Variants in HIVEP2 observed in about 807,000 individuals in gnomAD.
The protein encoded by HIVEP2 is transcription factor HIVEP2.
Under a neutral mutation model 180.7 loss-of-function variants are expected in HIVEP2, and 14 were observed. The ratio of observed to expected loss-of-function variants is 0.08; its 90% confidence interval spans 0.05 to 0.12. The LOEUF (loss-of-function observed/expected upper bound fraction) is 0.12, where lower values mean the gene tolerates loss of function less well. HIVEP2 is among the 10% of genes least tolerant of loss of function. The pLI is 1.00. For missense variants in HIVEP2, 2,579 were observed against 3,008.5 expected, an observed-to-expected ratio of 0.86 and a Z score of 3.34; for synonymous variants, 1,184 against 1,136.4, an observed-to-expected ratio of 1.04 and a Z score of -0.84.
In HIVEP2 at chr6:142,773,772, T is replaced by C. The variant is rs1473641774; in HGVS notation, c.967A>G (p.Met323Val). 30 of 1,613,940 alleles carry C rather than the reference T, an allele frequency of 1.9e-5. No individual in the cohort carries two copies. Among genetic ancestry groups the C allele is most frequent in the Non-Finnish European group, 2.2e-5 (26 of 1,180,044 alleles). ...GGGATAATCAAAATCGGCACCTTCA[T>C]TGGACCTCCCAATGATTCTTCCAAT... is the stretch of plus-strand genomic sequence containing the variant. ...GSLEESLGGP[M>V]KVPILIIPKS... Residue 323 changes from methionine (M) to valine (V), a missense_variant, in exon 5 of 10, where the codon ATG becomes GTG. Physicochemically the swap from Met to Val is conservative, Grantham distance 21. Coordinates refer to ENST00000367603, the MANE Select transcript of HIVEP2 (RefSeq NM_006734.4).
At chr6:142,904,312 C>T (rs202234299) in intron 1 of HIVEP2, among the ~76,000 whole-genome samples, 62 of 152,210 alleles carry the variant, frequency 4.1e-4, no homozygotes, top group South Asian at 3.3e-3. Flanking sequence ...AAATCATTTC[C>T]GGAAAAATTA....
Position 142,759,829 on chromosome 6 carries a change from G to T in HIVEP2, c.6459C>A (p.Asn2153Lys), listed in dbSNP as rs1775176606. 1 of 1,613,494 alleles carries T rather than the reference G, an allele frequency of 6.2e-7. No individual in the cohort carries two copies. Among genetic ancestry groups the T allele is most frequent in the African/African-American group, 1.3e-5 (1 of 74,890 alleles). Residue 2153 changes from asparagine (N) to lysine (K), a missense_variant, in exon 9 of 10, where the codon AAC becomes AAA. Asn to Lys is a moderately conservative substitution (Grantham distance 94). This residue lies in a region of HIVEP2 where 660 missense variants were observed against 731.7 expected (regional missense o/e 0.90). Transcript: ENST00000367603. ...APSPRRALYH[N>K]PPLSMGQYLQ... ...AATACTGTCCCATGGACAATGGTGG[G>T]TTATGGTATAAAGCCCTTCTGGGAG...
At chr6:142,845,838 T>C (rs1183944640) in intron 1 of HIVEP2, among the ~76,000 whole-genome samples, 1 of 151,920 alleles carries the variant, frequency 6.6e-6, no homozygotes, top group Non-Finnish European at 1.5e-5. Context: ...AGAGAGGCCC[T>C]CCCCCGGACA....
chr6:142,892,376 T>G (rs1313556690), intron 1 of HIVEP2, among the ~76,000 whole-genome samples: 1 of 152,144 alleles, frequency 6.6e-6, no homozygotes, highest in African/African-American at 2.4e-5. Flanking sequence ...TCTGCTGGCA[T>G]GGATAAAGCT....
At chr6:142,921,973 T>C (rs922416944) in intron 1 of HIVEP2, among the ~76,000 whole-genome samples, 1 of 152,208 alleles carries the variant, frequency 6.6e-6, no homozygotes, top group Non-Finnish European at 1.5e-5. Context: ...CCATAGCATA[T>C]GGTATTGATG....
rs1236791946 is a variant in HIVEP2 at position 142,769,865 on chromosome 6, A to C, written c.4874T>G (p.Leu1625Arg). 1 of 1,614,176 alleles carries C rather than the reference A, an allele frequency of 6.2e-7. No homozygotes were observed. Among genetic ancestry groups the C allele is most frequent in the Admixed American group, 1.7e-5 (1 of 60,034 alleles). The part of the protein sequence containing the change: ...PSGNVADSTL[L>R]LTDMADFQQI... ...CTGGAAATCTGCCATGTCCGTGAGA[A>C]GAAGAGTTGAGTCTGCCACGTTCCC... Residue 1625 changes from leucine to arginine, a missense_variant, in exon 5 of 10, where the codon CTT (leucine) becomes CGT (arginine). Physicochemically the swap from Leu to Arg is moderately radical, Grantham distance 102 (BLOSUM62 -2). Coordinates refer to ENST00000367603, the MANE Select transcript of HIVEP2 (RefSeq NM_006734.4).
intron 3 of HIVEP2, among the ~76,000 whole-genome samples, chr6:142,783,028 T>C (rs1262570225): frequency 6.6e-6 from 1 of 152,090 alleles, no homozygotes; most frequent in Admixed American, 6.5e-5. Flanking sequence ...CTATTTTAAT[T>C]ATAACAATGA....
chr6:142,924,590 C>A (rs578195076), intron 1 of HIVEP2, among the ~76,000 whole-genome samples: 2 of 152,314 alleles, frequency 1.3e-5, no homozygotes, highest in African/African-American at 4.8e-5. Context: ...CTCCTACTGA[C>A]CCTAAACAGA....
intron 9 of HIVEP2, 96 bp from the exon 10 acceptor site, chr6:142,754,027 T>C (rs1472137494): frequency 7.8e-6 from 5 of 642,672 alleles, no homozygotes; most frequent in African/African-American, 7.3e-5. Context: ...CATTCACACA[T>C]TCACTACCTA....
intron 1 of HIVEP2, among the ~76,000 whole-genome samples, chr6:142,898,148 C>A (rs1340893989): frequency 1.3e-5 from 2 of 152,178 alleles, no homozygotes; most frequent in African/African-American, 4.8e-5. Context: ...TTATTTGGAA[C>A]TGGCTTTGAG....
intron 2 of HIVEP2, among the ~76,000 whole-genome samples, chr6:142,803,092 T>A (rs775511648): frequency 6.6e-6 from 1 of 152,324 alleles, no homozygotes; most frequent in Non-Finnish European, 1.5e-5. Context: ...TACTTTTAAA[T>A]GTCTGCATTT....
At chr6:142,902,954 G>A (rs1343824968) in intron 1 of HIVEP2, among the ~76,000 whole-genome samples, 1 of 152,144 alleles carries the variant, frequency 6.6e-6, no homozygotes, top group Non-Finnish European at 1.5e-5. Flanking sequence ...AGGGGGGTGA[G>A]GAGACAAAAT....
chr6:142,802,466 C>T (rs940318832), intron 2 of HIVEP2, among the ~76,000 whole-genome samples: 1 of 151,896 alleles, frequency 6.6e-6, no homozygotes, highest in East Asian at 1.9e-4. Flanking sequence ...TTAAAGGATG[C>T]TTTCTAATGT....
At chr6:142,870,338 A>G (rs1776258623) in intron 1 of HIVEP2, among the ~76,000 whole-genome samples, 1 of 152,190 alleles carries the variant, frequency 6.6e-6, no homozygotes, top group Non-Finnish European at 1.5e-5. Context: ...CAGTATACAT[A>G]TCTGTAAAAC....
chr6:142,850,388 A>G (rs527548277), intron 1 of HIVEP2, among the ~76,000 whole-genome samples: 26 of 152,338 alleles, frequency 1.7e-4, no homozygotes, highest in African/African-American at 5.8e-4. Flanking sequence ...GGAGTCTTTA[A>G]TTGAAGGAAT....
At chr6:142,815,437 T>C (rs1776808659) in intron 2 of HIVEP2, among the ~76,000 whole-genome samples, 2 of 152,178 alleles carry the variant, frequency 1.3e-5, no homozygotes, top group African/African-American at 4.8e-5. Flanking sequence ...TCACATTAAA[T>C]GAGAAAATTT....
rs1317256696 is a variant in HIVEP2, at chr6:142,770,222, T to C, written c.4517A>G (p.Asp1506Gly). Residue 1506 changes from aspartate to glycine, a missense_variant, in exon 5 of 10, where the codon GAT becomes GGT. Physicochemically the swap from Asp to Gly is moderately conservative, Grantham distance 94 (BLOSUM62 -1). Coordinates refer to ENST00000367603, the MANE Select transcript of HIVEP2 (RefSeq NM_006734.4). This position sits in a 1 kb window ranked among gnomAD's most constrained non-coding sequence, Gnocchi z 4.7. ...GGAAGATGACCCTGACTGCAAGCCA[T>C]CTTTTGGCTCAGAAGCACATCCTTG... ...VRQGCASEPK[D>G]GLQSGSSSFS... 1.2e-6 allele frequency: 2 copies of C among 1,614,196 alleles called. No individual in the cohort carries two copies. Among genetic ancestry groups the C allele is most frequent in the Non-Finnish European group, 1.7e-6 (2 of 1,180,042 alleles).
chr6:142,896,471 C>A (rs1465403108), intron 1 of HIVEP2, among the ~76,000 whole-genome samples: 3 of 152,070 alleles, frequency 2.0e-5, no homozygotes, highest in African/African-American at 7.2e-5. Flanking sequence ...GAAAAAGCAC[C>A]AATTTCACAG....
Position 142,773,383 on chromosome 6 carries a change from C to A in HIVEP2, c.1356G>T (p.Arg452Ser), listed in dbSNP as rs1775607440. The change falls in exon 5 of 10, where the codon AGG (arginine) becomes AGT (serine). Residue 452 changes from arginine (R) to serine (S), a missense_variant. Physicochemically the swap from Arg to Ser is moderately radical, Grantham distance 110 (BLOSUM62 -1). This residue lies in a region of HIVEP2 where 524 missense variants were observed against 563.6 expected (regional missense o/e 0.93). Coordinates refer to ENST00000367603, the MANE Select transcript of HIVEP2 (RefSeq NM_006734.4). Reference protein sequence around the residue: ...TTSQERAAMGRKGIMEPLPHV... With the variant: ...TTSQERAAMGSKGIMEPLPHV... ...GAGGTAATGGTTCCATTATGCCCTTCCTACCCATTGCGGCACGCTCCTGAC... is the reference window on the plus strand; with the variant it reads ...GAGGTAATGGTTCCATTATGCCCTTACTACCCATTGCGGCACGCTCCTGAC... The A allele has an allele frequency of 7.4e-6, 12 of 1,614,180 alleles. No homozygotes were observed. The highest frequency in any genetic ancestry group is 1.0e-5 in the Non-Finnish European group (12 of 1,180,036).
Sources: allele counts gnomAD v4.1 joint callset (sites outside exome capture counted in the v4.1 genomes callset), GRCh38; gene constraint gnomAD v4.1.1; regional missense constraint gnomAD v4.1.1; non-coding constraint Gnocchi (gnomAD v3.1); transcripts MANE v1.5; gene names NCBI Gene and HGNC (gene_info 2026-07-23, HGNC 2026-07-21).